The following PFKFB3 variants were observed in gnomAD, a reference collection of about 807,000 sequenced individuals.
PFKFB3 encodes 6-phosphofructo-2-kinase/fructose-2,6-biphosphatase 3, also known as 6-phosphofructo-2-kinase/fructose-2,6-bisphosphatase 3.
In PFKFB3, 33 loss-of-function variants were observed where a neutral mutation model predicts 68.0. That is an observed-to-expected ratio of 0.49 (90% confidence interval 0.37 to 0.65). The LOEUF is 0.65. Among genes scored for constraint, PFKFB3 ranks in the 30% least tolerant of loss-of-function variants. PFKFB3 has a pLI of 0.00. For synonymous variants in PFKFB3, 315 were observed against 288.2 expected (o/e 1.09, Z -0.94); for missense variants, 586 against 712.2 (o/e 0.82, Z 2.02).
downstream of PFKFB3, among the ~76,000 whole-genome samples, chr10:6,254,821 T>TC (rs1846467922): frequency 7.6e-6 from 1 of 131,640 alleles, no homozygotes; most frequent in Non-Finnish European, 1.6e-5. Context: ...TTTTTTTTTT[T>TC]TTTTTTTTTT....
At chr10:6,145,303 G>C (rs1422890599) in intron 1 of PFKFB3, among the ~76,000 whole-genome samples, 1 of 151,086 alleles carries the variant, frequency 6.6e-6, no homozygotes, top group African/African-American at 2.4e-5. Context: ...CCGGCCTCGC[G>C]TCTCCTTTCC....
chr10:6,295,621 T>C, the PFKFB3 span, among the ~76,000 whole-genome samples: 1 of 152,130 alleles, frequency 6.6e-6, no homozygotes, highest in Non-Finnish European at 1.5e-5. Context: ...TTCTTTACTT[T>C]TCTGATCAAG....
upstream of PFKFB3, among the ~76,000 whole-genome samples, chr10:6,199,060 C>T (rs1392556279): frequency 3.3e-5 from 5 of 152,198 alleles, no homozygotes; most frequent in African/African-American, 9.7e-5. Context: ...GCCCCCTCCC[C>T]GTGTCTTTGG....
upstream of PFKFB3, among the ~76,000 whole-genome samples, chr10:6,199,226 C>A (rs1176508059): frequency 1.3e-5 from 2 of 152,218 alleles, no homozygotes; most frequent in Non-Finnish European, 2.9e-5. Context: ...ACCTCACTCT[C>A]TCTGGGGCAG....
At chr10:6,183,902 G>A (rs1842795654) in intron 1 of PFKFB3, among the ~76,000 whole-genome samples, 2 of 151,612 alleles carry the variant, frequency 1.3e-5, no homozygotes, top group African/African-American at 2.4e-5. Context: ...GTGTTAGCCA[G>A]GGTGGTCTTG....
rs745463544 is a variant in PFKFB3 at position 6,216,105 on chromosome 10, C to T, written c.300-20C>T. 3 of 1,611,364 alleles carry T rather than the reference C, an allele frequency of 1.9e-6. No homozygotes were observed. In the South Asian group the frequency reaches 3.3e-5, roughly 18 times the overall value. ...GGATGCACCGGCGCTGACATTCGGG[C>T]AATGTCTTGTGCATTCCAGGCAATG... On this transcript the variant is annotated intron_variant, in intron 3 of 14. Transcript: ENST00000379775.
At chr10:6,287,749 A>G in the PFKFB3 span, among the ~76,000 whole-genome samples, 3 of 152,164 alleles carry the variant, frequency 2.0e-5, no homozygotes, top group African/African-American at 7.2e-5. Flanking sequence ...TCACTTATCT[A>G]TAAGCTATAA....
the PFKFB3 span, among the ~76,000 whole-genome samples, chr10:6,265,881 G>T: frequency 6.7e-6 from 1 of 150,324 alleles, no homozygotes; most frequent in African/African-American, 2.4e-5. Context: ...GACTTCTCTT[G>T]TCCTTCATTT....
the PFKFB3 span, among the ~76,000 whole-genome samples, chr10:6,289,244 A>G: frequency 6.7e-6 from 1 of 149,082 alleles, no homozygotes; most frequent in Non-Finnish European, 1.5e-5. Context: ...TTTTGTTGCC[A>G]TTGCTTATGG....
the PFKFB3 span, among the ~76,000 whole-genome samples, chr10:6,308,648 T>A: frequency 6.6e-6 from 1 of 151,932 alleles, no homozygotes. Context: ...TGTTCTCTTT[T>A]AAAAAAAACA....
At chr10:6,202,910 C>T (rs1188037542), upstream of PFKFB3, 5 of 1,165,998 alleles carry the variant, frequency 4.3e-6, no homozygotes, top group Non-Finnish European at 5.3e-6. Flanking sequence ...TCTTTAAAAG[C>T]CGGCGGTGCG....
At chr10:6,200,670 G>T (rs1245685234), upstream of PFKFB3, among the ~76,000 whole-genome samples, 3 of 135,450 alleles carry the variant, frequency 2.2e-5, no homozygotes, top group African/African-American at 8.1e-5. Context: ...GGGGGGGGGG[G>T]GGGGGCGGGG....
At chr10:6,158,762 G>C (rs1045643376) in intron 1 of PFKFB3, among the ~76,000 whole-genome samples, 7 of 151,974 alleles carry the variant, frequency 4.6e-5, no homozygotes, top group African/African-American at 1.7e-4. Context: ...AGCTACTCCA[G>C]AGACTGAGGC....
At chr10:6,222,260 C>T (rs1564635653) in intron 10 of PFKFB3, among the ~76,000 whole-genome samples, 1 of 152,244 alleles carries the variant, frequency 6.6e-6, no homozygotes, top group African/African-American at 2.4e-5. Context: ...CTGGTTAGCA[C>T]AGCAGAGAGC....
intron 6 of PFKFB3, 137 bp downstream of exon 6, chr10:6,217,328 G>A: frequency 2.6e-6 from 2 of 781,128 alleles, no homozygotes; most frequent in Middle Eastern, 3.2e-4. Flanking sequence ...GCTGGCTGTT[G>A]ATTGGGAGGT....
chr10:6,243,293 T>C (rs1302961763), intron 14 of PFKFB3, among the ~76,000 whole-genome samples: 1 of 152,188 alleles, frequency 6.6e-6, no homozygotes, highest in East Asian at 1.9e-4. Flanking sequence ...GGACAACATA[T>C]TGAGAATATT....
Position 6,210,356 on chromosome 10 carries a change from G to C in PFKFB3, c.77-3267G>C, listed in dbSNP as rs200891207. On this transcript the variant is annotated intron_variant, in intron 1 of 14. Coordinates refer to ENST00000379775, the MANE Select transcript of PFKFB3 (RefSeq NM_004566.4). ...TCTTTGTTTTTTTTTGTTTTTTTTT[G>C]TTTTTTTGTTTTTTTTTTTTTTGAG... is the stretch of plus-strand genomic sequence containing the variant. 2.0e-4 allele frequency among the ~76,000 whole-genome samples: 9 copies of C among 44,476 alleles called. 1 individual carries two copies. The East Asian group carries it at 4.2e-3, about 21-fold the overall frequency. 29.2% of individuals were successfully genotyped at this position (44,476 alleles called of 152,430 possible).
chr10:6,243,194 C>T (rs1368319097), intron 14 of PFKFB3, among the ~76,000 whole-genome samples: 3 of 152,132 alleles, frequency 2.0e-5, no homozygotes, highest in Non-Finnish European at 2.9e-5. Context: ...TGCTCCAGAG[C>T]GCGTTTCATT....
chr10:6,188,244 A>G (rs957590650), intron 1 of PFKFB3, among the ~76,000 whole-genome samples: 1 of 151,998 alleles, frequency 6.6e-6, no homozygotes, highest in Non-Finnish European at 1.5e-5. Context: ...AAATCAGGAT[A>G]TCAACACTGA....
Sources: gnomAD v4.1 joint callset for allele counts (sites outside exome capture counted in the v4.1 genomes callset) on GRCh38, gnomAD v4.1.1 for gene constraint, MANE v1.5 for transcripts, NCBI Gene and HGNC (gene_info 2026-07-23, HGNC 2026-07-21) for gene names.